The following KDM4C variants were observed in gnomAD, a reference collection of about 807,000 sequenced individuals.
The protein encoded by KDM4C is lysine-specific demethylase 4C.
A neutral mutation model predicts 129.3 loss-of-function variants in KDM4C; 81 were observed. That is an observed-to-expected ratio of 0.63 (90% CI 0.52 to 0.75). The LOEUF is 0.75. KDM4C is among the 30% of genes least tolerant of loss of function. The probability of loss-of-function intolerance (pLI) is 0.00; values close to 1 mark genes in which losing one functional copy is unlikely to be tolerated. For missense variants in KDM4C, 1,457 were observed against 1,304.0 expected (o/e 1.12, Z -1.81); for synonymous variants, 573 against 456.1 (o/e 1.26, Z -3.26).
chr9:6,813,467 C>A (rs1304166979), intron 3 of KDM4C, among the ~76,000 whole-genome samples: 1 of 152,130 alleles, frequency 6.6e-6, no homozygotes, highest in Non-Finnish European at 1.5e-5. Flanking sequence ...ATTTGGTATT[C>A]TTGTTACACA....
At chr9:6,792,100 G>A (rs929598596) in intron 1 of KDM4C, among the ~76,000 whole-genome samples, 3 of 152,110 alleles carry the variant, frequency 2.0e-5, no homozygotes, top group Admixed American at 1.3e-4. Context: ...CAGCACTTTG[G>A]GAGGCAGAGG....
intron 6 of KDM4C, among the ~76,000 whole-genome samples, chr9:6,882,802 G>T (rs1844664980): frequency 6.6e-6 from 1 of 151,716 alleles, no homozygotes; most frequent in African/African-American, 2.4e-5. Context: ...GTGTGTGTGT[G>T]TGTGCGCGTG....
intron 12 of KDM4C, among the ~76,000 whole-genome samples, chr9:6,991,057 A>T (rs1818649073): frequency 6.6e-6 from 1 of 151,880 alleles, no homozygotes; most frequent in African/African-American, 2.4e-5. Flanking sequence ...CCATTCCTAG[A>T]TGTAAATTTA....
chr9:7,174,880 C>T lies in KDM4C; in HGVS notation c.*151C>T. 1.7e-6 allele frequency: 1 copy of T among 599,090 alleles called. No individual in the cohort carries two copies. Among genetic ancestry groups the T allele is most frequent in the Non-Finnish European group, 2.9e-6 (1 of 339,812 alleles). The allele number at this position is 599,090 out of a possible 1,614,324, so 37.1% of individuals were successfully genotyped here. The stretch of plus-strand genomic sequence containing the variant: ...AATCGGGTTTCCAGAGTTTGGTCAC[C>T]AAAAATACAAAATACACCCAATGAA... On this transcript the variant is annotated 3_prime_UTR_variant, in exon 22 of 22. Coordinates refer to ENST00000381309, the MANE Select transcript of KDM4C (RefSeq NM_015061.6).
In KDM4C at chr9:6,944,652, G is replaced by GTTTTTT. The variant is rs1158199897; in HGVS notation, c.922-36256_922-36251dup. 7.2e-3 allele frequency among the ~76,000 whole-genome samples: 582 copies of GTTTTTT among 80,960 alleles called. 77 individuals are homozygous for GTTTTTT. The highest frequency in any genetic ancestry group is 0.024 in the African/African-American group (504 of 21,414). The allele number at this position is 80,960 out of a possible 152,430, so 53.1% of individuals were successfully genotyped here. A position where few individuals can be genotyped will look rare whatever the true frequency, so the allele number is the denominator to read the frequency against. On this transcript the variant is annotated intron_variant, in intron 8 of 21. Transcript: ENST00000381309. ...CAACACACTTTTTGTCAAGGTAGAG[G>GTTTTTT]TTTTTTTTTTTTTTTTTTTTTTGCC...
At chr9:6,752,972 G>A (rs978454270), upstream of KDM4C, among the ~76,000 whole-genome samples, 1 of 152,130 alleles carries the variant, frequency 6.6e-6, no homozygotes, top group African/African-American at 2.4e-5. Flanking sequence ...AAGTGTGCTT[G>A]GACTGAAACC....
At chr9:6,821,296 A>T (rs575522830) in intron 4 of KDM4C, among the ~76,000 whole-genome samples, 4 of 152,200 alleles carry the variant, frequency 2.6e-5, no homozygotes, top group Non-Finnish European at 5.9e-5. Context: ...GAATCACCAC[A>T]CTGTCTTCCA....
At chr9:7,032,128 G>T (rs1425603695) in intron 15 of KDM4C, among the ~76,000 whole-genome samples, 1 of 152,202 alleles carries the variant, frequency 6.6e-6, no homozygotes, top group East Asian at 1.9e-4. Flanking sequence ...GGCAGGTGGT[G>T]AAAGAATGTT....
At chr9:7,089,294 C>A (rs992413175) in intron 17 of KDM4C, among the ~76,000 whole-genome samples, 1 of 152,140 alleles carries the variant, frequency 6.6e-6, no homozygotes, top group East Asian at 1.9e-4. Context: ...TCCTCCATAG[C>A]ACATGTAAGG....
chr9:7,072,227 C>G (rs1833296887), intron 17 of KDM4C, among the ~76,000 whole-genome samples: 1 of 152,108 alleles, frequency 6.6e-6, no homozygotes, highest in African/African-American at 2.4e-5. Flanking sequence ...GTATAGCCAT[C>G]TTGGAAAACA....
chr9:6,768,047 G>T (rs1820984911), intron 1 of KDM4C, among the ~76,000 whole-genome samples: 1 of 151,972 alleles, frequency 6.6e-6, no homozygotes, highest in South Asian at 2.1e-4. Flanking sequence ...TGTGTACATG[G>T]TTCTCACTTT....
At chr9:6,862,846 CAA>C (rs908350093) in intron 5 of KDM4C, among the ~76,000 whole-genome samples, 5 of 150,008 alleles carry the variant, frequency 3.3e-5, no homozygotes, top group Admixed American at 1.3e-4. Flanking sequence ...AAACAAAAAA[CAA>C]AAAAAAATTC....
intron 12 of KDM4C, among the ~76,000 whole-genome samples, chr9:6,991,352 G>C (rs1227451463): frequency 6.6e-6 from 1 of 152,258 alleles, no homozygotes; most frequent in East Asian, 1.9e-4. Flanking sequence ...GCAAAGTGCT[G>C]AGATTATAAG....
intron 8 of KDM4C, among the ~76,000 whole-genome samples, chr9:6,920,445 C>A (rs1033222264): frequency 1.3e-5 from 2 of 152,060 alleles, no homozygotes; most frequent in Non-Finnish European, 2.9e-5. Flanking sequence ...CACCTGTAAT[C>A]CCAGCTACTC....
chr9:6,974,245 A>C (rs1482355050), intron 8 of KDM4C, among the ~76,000 whole-genome samples: 1 of 152,240 alleles, frequency 6.6e-6, no homozygotes, highest in Non-Finnish European at 1.5e-5. Flanking sequence ...GAAATACCTG[A>C]AAGACTCTCT....
chr9:6,926,738 G>A (rs7043262), intron 8 of KDM4C, among the ~76,000 whole-genome samples: 96,790 of 151,952 alleles, frequency 0.64, 31,251 homozygotes, highest in Middle Eastern at 0.69. Flanking sequence ...ACATTGGGGT[G>A]TGTTTAGTAG....
chr9:6,738,316 A>G (rs1817591887), intron 1 of KDM4C, among the ~76,000 whole-genome samples: 1 of 152,120 alleles, frequency 6.6e-6, no homozygotes, highest in African/African-American at 2.4e-5. Context: ...GTCTCTACTA[A>G]AAATACAAAA....
At chr9:6,775,429 G>C (rs935301816) in intron 1 of KDM4C, among the ~76,000 whole-genome samples, 2 of 151,940 alleles carry the variant, frequency 1.3e-5, no homozygotes, top group Non-Finnish European at 2.9e-5. Flanking sequence ...ATTGATTTTT[G>C]AGTTTTCAGT....
intron 17 of KDM4C, among the ~76,000 whole-genome samples, chr9:7,068,674 A>C (rs1587418482): frequency 9.1e-6 from 1 of 110,220 alleles, no homozygotes; most frequent in African/African-American, 3.3e-5. Context: ...ATACATGTTT[A>C]TGATGCCCTT....
Sources: gnomAD v4.1 joint callset for allele counts (sites outside exome capture counted in the v4.1 genomes callset) on GRCh38, gnomAD v4.1.1 for gene constraint, MANE v1.5 for transcripts, NCBI Gene and HGNC (gene_info 2026-07-23, HGNC 2026-07-21) for gene names.